The following CRISP2 variants were observed in gnomAD, a reference collection of about 807,000 sequenced individuals.
CRISP2 encodes cysteine rich secretory protein 2.
Under a neutral mutation model 31.7 loss-of-function variants are expected in CRISP2, and 29 were observed. The ratio of observed to expected loss-of-function variants is 0.92; its 90% CI spans 0.68 to 1.25. The LOEUF is 1.25. CRISP2 is among the 50% of genes most tolerant of loss of function. The pLI is 0.00. For synonymous variants in CRISP2, 111 were observed against 101.4 expected (o/e 1.09, Z -0.57); for missense variants, 318 against 286.5 (o/e 1.11, Z -0.79).
At chr6:49,688,775 A>G (rs1034069525), downstream of CRISP2, among the ~76,000 whole-genome samples, 1 of 152,194 alleles carries the variant, frequency 6.6e-6, no homozygotes. Context: ...AGGTATTATT[A>G]GTTGAATTAT....
the CRISP2 span, among the ~76,000 whole-genome samples, chr6:49,679,689 G>GC: frequency 6.6e-6 from 1 of 150,450 alleles, no homozygotes; most frequent in Non-Finnish European, 1.5e-5. Flanking sequence ...CAGTGTTGTT[G>GC]TTTTTTTTTG....
the CRISP2 span, among the ~76,000 whole-genome samples, chr6:49,684,421 T>C: frequency 6.6e-6 from 1 of 152,190 alleles, no homozygotes; most frequent in Non-Finnish European, 1.5e-5. Context: ...AGTACTTTTT[T>C]CCTACTATTT....
chr6:49,707,484 CT>C (rs1266514140), intron 4 of CRISP2, among the ~76,000 whole-genome samples: 1 of 152,002 alleles, frequency 6.6e-6, no homozygotes, highest in African/African-American at 2.4e-5. Flanking sequence ...TGACATCTCA[CT>C]TTTTAATAAT....
intron 9 of CRISP2, among the ~76,000 whole-genome samples, chr6:49,694,615 AG>A (rs1252232206): frequency 3.9e-5 from 6 of 152,132 alleles, no homozygotes. Flanking sequence ...AGGGTTTATG[AG>A]AGGGGTGATG....
chr6:49,709,710 A>C (rs549329279), intron 3 of CRISP2, among the ~76,000 whole-genome samples: 2 of 152,342 alleles, frequency 1.3e-5, no homozygotes, highest in East Asian at 3.9e-4. Context: ...GGTTGTGCAA[A>C]TACTTTATTA....
At chr6:49,677,794 G>A in the CRISP2 span, among the ~76,000 whole-genome samples, 1 of 152,134 alleles carries the variant, frequency 6.6e-6, no homozygotes, top group Non-Finnish European at 1.5e-5. Flanking sequence ...GAAGTCTAGG[G>A]AAAGCCTGAA....
chr6:49,682,023 T>C, the CRISP2 span, among the ~76,000 whole-genome samples: 1 of 152,178 alleles, frequency 6.6e-6, no homozygotes, highest in African/African-American at 2.4e-5. Flanking sequence ...CAGATAATTG[T>C]GCCAGGCTGT....
chr6:49,708,115 A>G (rs1767388574), intron 4 of CRISP2, among the ~76,000 whole-genome samples: 1 of 152,150 alleles, frequency 6.6e-6, no homozygotes, highest in Admixed American at 6.5e-5. Flanking sequence ...TTATATAAGT[A>G]TATTGTTAAT....
chr6:49,704,803 C>T (rs1375095378), intron 4 of CRISP2, among the ~76,000 whole-genome samples: 1 of 152,120 alleles, frequency 6.6e-6, no homozygotes, highest in Middle Eastern at 3.2e-3. Flanking sequence ...TTGTTTAGTG[C>T]ACTGGTTTTC....
At chr6:49,713,586 C>G (rs952017938), upstream of CRISP2, 1 of 152,234 alleles carries the variant, frequency 6.6e-6, no homozygotes, top group Non-Finnish European at 1.5e-5. Flanking sequence ...CCAGGCGCCA[C>G]GTGTGGGCGA....
intron 4 of CRISP2, among the ~76,000 whole-genome samples, chr6:49,704,337 T>C (rs988963081): frequency 6.6e-6 from 1 of 152,210 alleles, no homozygotes; most frequent in Non-Finnish European, 1.5e-5. Flanking sequence ...ATTAACCTTC[T>C]GAATTCTTTT....
the CRISP2 span, among the ~76,000 whole-genome samples, chr6:49,684,240 C>G: frequency 1.9e-3 from 285 of 152,204 alleles, 1 homozygote; most frequent in African/African-American, 6.3e-3. Flanking sequence ...AATGGTGTAG[C>G]ATTTGTTATG....
chr6:49,705,324 AG>A (rs1441403784), intron 4 of CRISP2, among the ~76,000 whole-genome samples: 1 of 152,116 alleles, frequency 6.6e-6, no homozygotes, highest in African/African-American at 2.4e-5. Flanking sequence ...CTAAGCTCCT[AG>A]TCAGCCAGCA....
chr6:49,703,676 A>G (rs1196406025), intron 4 of CRISP2, among the ~76,000 whole-genome samples: 1 of 152,140 alleles, frequency 6.6e-6, no homozygotes, highest in Non-Finnish European at 1.5e-5. Flanking sequence ...GGCTAAAGAT[A>G]GGACTACAAT....
rs563189686 is a variant in CRISP2, at chr6:49,700,463, T to A, written c.183+205A>T. On this transcript the variant is annotated intron_variant, in intron 5 of 9. Transcript: ENST00000339139. The stretch of plus-strand genomic sequence containing the variant: ...TGACTTCCAATTATGCCTTCCAAAT[T>A]TAAAAACTCTGTATAATTGAGTTTT... 2.1e-4 allele frequency among the ~76,000 whole-genome samples: 32 copies of A among 152,298 alleles called. 1 individual carries two copies. The South Asian group carries it at 6.4e-3, about 31-fold the overall frequency.
At chr6:49,706,867 G>C (rs1252382151) in intron 4 of CRISP2, among the ~76,000 whole-genome samples, 1 of 152,120 alleles carries the variant, frequency 6.6e-6, no homozygotes, top group African/African-American at 2.4e-5. Flanking sequence ...ACTGATCGTG[G>C]ACGCCACTGT....
the CRISP2 span, among the ~76,000 whole-genome samples, chr6:49,679,748 T>C: frequency 6.6e-6 from 1 of 151,614 alleles, no homozygotes; most frequent in Admixed American, 6.6e-5. Flanking sequence ...CTCTATCACC[T>C]AGACTGGAAT....
chr6:49,683,868 T>C, the CRISP2 span, among the ~76,000 whole-genome samples: 44 of 151,158 alleles, frequency 2.9e-4, no homozygotes, highest in African/African-American at 1.0e-3. Context: ...CTAAGAGCTT[T>C]ATATAAAGGA....
At chr6:49,690,746 A>G (rs1192550775), downstream of CRISP2, among the ~76,000 whole-genome samples, 1 of 152,096 alleles carries the variant, frequency 6.6e-6, no homozygotes, top group Non-Finnish European at 1.5e-5. Flanking sequence ...CAAAATCGTC[A>G]TTAACATTTT....
Sources: gnomAD v4.1 joint callset for allele counts (sites outside exome capture counted in the v4.1 genomes callset) on GRCh38, gnomAD v4.1.1 for gene constraint, MANE v1.5 for transcripts, NCBI Gene and HGNC (gene_info 2026-07-23, HGNC 2026-07-21) for gene names.